TLN2: variants seen among roughly 807,000 people sequenced by gnomAD.
TLN2 encodes talin 2.
TLN2 carries 118 observed loss-of-function variants against 294.7 expected under a neutral mutation model. The ratio of observed to expected loss-of-function variants is 0.40; its 90% confidence interval spans 0.34 to 0.47. The LOEUF is 0.47. TLN2 is among the 20% of genes least tolerant of loss of function. The pLI is 0.84. For missense variants in TLN2, 3,083 were observed against 3,282.2 expected (o/e 0.94, Z 1.48); for synonymous variants, 1,431 against 1,304.5 (o/e 1.10, Z -2.09).
intron 1 of TLN2, among the ~76,000 whole-genome samples, chr15:62,441,462 A>G (rs755548025): frequency 1.3e-5 from 2 of 152,260 alleles, no homozygotes; most frequent in Non-Finnish European, 2.9e-5. Flanking sequence ...ACACTGAGGT[A>G]AACTAAAGAT....
chr15:62,673,320 T>TTTTTTTTTTTTTTTTTTG, intron 9 of TLN2, among the ~76,000 whole-genome samples: 1 of 139,650 alleles, frequency 7.2e-6, no homozygotes, highest in Non-Finnish European at 1.5e-5. Flanking sequence ...CTTTTTTTTT[T>TTTTTTTTTTTTTTTTTTG]TTTTTTTTGC....
At position 62,761,773 on chromosome 15, in the gene TLN2, C is replaced by T. The variant is rs375986590; in HGVS notation, c.4731C>T (p.Phe1577=). 2.1e-5 allele frequency: 34 copies of T among 1,614,024 alleles called. No homozygotes were observed. Among genetic ancestry groups the T allele is most frequent in the Non-Finnish European group, 2.3e-5 (27 of 1,180,042 alleles). The stretch of plus-strand genomic sequence containing the variant: ...AAGCTGTGGAGAACCTGACAGCGTT[C>T]GCCTCAAACCCTGAGTTTGTCAGCA... ...LIEAVENLTA[F]ASNPEFVSIP... Residue 1577 remains phenylalanine (F), a synonymous_variant, in exon 38 of 59, where the codon TTC becomes TTT. Transcript: ENST00000636159.
intron 14 of TLN2, 27 bp downstream of exon 14, chr15:62,694,419 AC>A: frequency 6.3e-7 from 1 of 1,597,866 alleles, no homozygotes; most frequent in Non-Finnish European, 8.6e-7. Flanking sequence ...GTACTAGAGG[AC>A]CACCTTCTCC....
intron 1 of TLN2, among the ~76,000 whole-genome samples, chr15:62,432,946 G>A (rs1458956090): frequency 6.6e-6 from 1 of 152,124 alleles, no homozygotes; most frequent in Non-Finnish European, 1.5e-5. Context: ...CAGGCATGGG[G>A]AGTACTCATC....
chr15:62,806,072 G>A (rs2066259196), intron 51 of TLN2, among the ~76,000 whole-genome samples: 1 of 151,968 alleles, frequency 6.6e-6, no homozygotes, highest in Admixed American at 6.6e-5. Flanking sequence ...TGTACCTGTG[G>A]TCCTAGCTAC....
intron 1 of TLN2, among the ~76,000 whole-genome samples, chr15:62,440,143 C>T (rs191031804): frequency 2.8e-3 from 425 of 152,280 alleles, no homozygotes; most frequent in Non-Finnish European, 5.2e-3. Flanking sequence ...TCGTTTTATA[C>T]CTTGGCTAAC....
At chr15:62,830,926 G>C (rs2068768646) in intron 54 of TLN2, 1 of 152,026 alleles carries the variant, frequency 6.6e-6, no homozygotes, top group Admixed American at 6.6e-5. Context: ...TAGAGATGTT[G>C]TGGGAAGAAA....
In TLN2 at chr15:62,673,069, TAA is replaced by T. The variant is rs1162157690; in HGVS notation, c.789-757_789-756del. ...TTATATATAATGTAATATCCTAATTTAATTGTGTGTGTGTGTGTGTGTGTGTG... is the reference window on the plus strand; with the variant it reads ...TTATATATAATGTAATATCCTAATTTTTGTGTGTGTGTGTGTGTGTGTGTG... On this transcript the variant is annotated intron_variant, in intron 9 of 58. Coordinates refer to ENST00000636159, the MANE Select transcript of TLN2 (RefSeq NM_015059.3). 6.2e-5 allele frequency among the ~76,000 whole-genome samples: 8 copies of T among 129,740 alleles called. No homozygotes were observed. The East Asian group carries it at 6.7e-4, about 11-fold the overall frequency. 85.1% of individuals were successfully genotyped at this position (129,740 alleles called of 152,430 possible).
chr15:62,477,311 T>C (rs1186040904), intron 1 of TLN2, among the ~76,000 whole-genome samples: 1 of 152,238 alleles, frequency 6.6e-6, no homozygotes, highest in Admixed American at 6.5e-5. Context: ...CTTGGAGAAG[T>C]AAGGCTGTAA....
In TLN2 at chr15:62,647,405, G is replaced by C; in HGVS notation, c.95G>C (p.Arg32Pro). Residue 32 changes from arginine to proline, a missense_variant, in exon 4 of 59, where the codon CGA (arginine) becomes CCA (proline). By Grantham distance (103) the Arg-to-Pro change is moderately radical. Coordinates refer to ENST00000636159, the MANE Select transcript of TLN2 (RefSeq NM_015059.3). Reference protein sequence around the residue: ...EPSTAVYDACRVIRERVPEAQ... With the variant: ...EPSTAVYDACPVIRERVPEAQ... ...TCTACAGCTGTGTACGATGCGTGTC[G>C]AGTCATTCGGGAACGGGTGCCTGAG... 2 of 1,614,202 alleles carry C rather than the reference G, an allele frequency of 1.2e-6. No individual in the cohort carries two copies. The highest frequency in any genetic ancestry group is 8.5e-7 in the Non-Finnish European group (1 of 1,180,032).
In TLN2 at chr15:62,758,115, G is replaced by A. The variant is rs562044544; in HGVS notation, c.4638+2422G>A. On this transcript the variant is annotated intron_variant, in intron 37 of 58. Coordinates refer to ENST00000636159, the MANE Select transcript of TLN2 (RefSeq NM_015059.3). The stretch of plus-strand genomic sequence containing the variant: ...GTTTTTTTCTTTTAACCATGAGGAT[G>A]TGCCCAAGCCTAAATCCCAGCTGCC... Among the ~76,000 whole-genome samples, 3 of 152,238 alleles carry A rather than the reference G, an allele frequency of 2.0e-5. No individual in the cohort carries two copies. The East Asian group carries it at 5.8e-4, about 29-fold the overall frequency.
At chr15:62,423,063 CAGGATCACATTAGCTCT>C (rs1396465327) in intron 1 of TLN2, among the ~76,000 whole-genome samples, 1 of 152,196 alleles carries the variant, frequency 6.6e-6, no homozygotes, top group Non-Finnish European at 1.5e-5. Flanking sequence ...TGATGCTGCC[CAGGATCACATTAGCTCT>C]AGGATCACGT....
intron 34 of TLN2, among the ~76,000 whole-genome samples, chr15:62,750,712 G>A (rs886325593): frequency 1.3e-5 from 2 of 152,138 alleles, no homozygotes; most frequent in African/African-American, 4.8e-5. Flanking sequence ...CTACCCCCAA[G>A]TTTCTGTTTC....
intron 2 of TLN2, among the ~76,000 whole-genome samples, chr15:62,606,564 A>G (rs1389545140): frequency 6.6e-6 from 1 of 152,166 alleles, no homozygotes; most frequent in African/African-American, 2.4e-5. Context: ...TCCATTACTG[A>G]AGCTTTTATT....
chr15:62,429,972 G>C lies in TLN2; in HGVS notation c.-238+39287G>C, dbSNP rs186894453. Among the ~76,000 whole-genome samples, 1,261 of 152,298 alleles carry C rather than the reference G, an allele frequency of 8.3e-3. 8 individuals are homozygous for C. The highest frequency in any genetic ancestry group is 0.014 in the Non-Finnish European group (933 of 68,016). ...ATATAAATGCGGAGACTTCCTGAGA[G>C]ACCTGGCCCGAACTGATAAGAAAAA... On this transcript the variant is annotated intron_variant, in intron 1 of 58. Coordinates refer to ENST00000636159, the MANE Select transcript of TLN2 (RefSeq NM_015059.3).
At chr15:62,617,122 G>C (rs1294506377) in intron 2 of TLN2, among the ~76,000 whole-genome samples, 1 of 152,108 alleles carries the variant, frequency 6.6e-6, no homozygotes, top group African/African-American at 2.4e-5. Flanking sequence ...TGGACTGTCC[G>C]TTAAAAATCA....
chr15:62,531,591 T>C (rs2041045861), intron 1 of TLN2, among the ~76,000 whole-genome samples: 1 of 152,222 alleles, frequency 6.6e-6, no homozygotes, highest in African/African-American at 2.4e-5. Context: ...ATTTGAGGTA[T>C]TGAATATGTT....
At chr15:62,420,556 G>A (rs930152809) in intron 1 of TLN2, among the ~76,000 whole-genome samples, 4 of 152,054 alleles carry the variant, frequency 2.6e-5, no homozygotes, top group African/African-American at 9.7e-5. Flanking sequence ...CACCATGCTC[G>A]GCTAATTCTT....
chr15:62,575,540 T>A (rs2044311718), intron 1 of TLN2, among the ~76,000 whole-genome samples: 1 of 152,154 alleles, frequency 6.6e-6, no homozygotes, highest in African/African-American at 2.4e-5. Context: ...GACCACCTCT[T>A]GGTAGTGTGA....
Sources: gnomAD v4.1 joint callset for allele counts (sites outside exome capture counted in the v4.1 genomes callset) on GRCh38, gnomAD v4.1.1 for gene constraint, MANE v1.5 for transcripts, NCBI Gene and HGNC (gene_info 2026-07-23, HGNC 2026-07-21) for gene names.